Variants in VAT1 observed in about 807,000 individuals in gnomAD.
VAT1 encodes vesicle amine transport 1, also known as NADPH-dependent quinone oxidoreductase VAT1.
VAT1 carries 24 observed loss-of-function variants against 33.3 expected under a neutral mutation model. The ratio of observed to expected loss-of-function variants is 0.72; its 90% CI spans 0.52 to 1.01. The LOEUF is 1.01. VAT1 is among the 50% of genes least tolerant of loss of function. The pLI, the probability that VAT1 is intolerant of heterozygous loss-of-function variation, is 0.00. For missense variants in VAT1, 436 were observed against 533.7 expected, an observed-to-expected ratio of 0.82 and a Z score of 1.80; for synonymous variants, 212 against 225.0, an observed-to-expected ratio of 0.94 and a Z score of 0.52.
In VAT1 at chr17:43,018,701, G is replaced by C; in HGVS notation, c.486C>G (p.Thr162=). Residue 162 remains threonine, a synonymous_variant, in exon 2 of 6, where the codon ACC becomes ACG. Coordinates refer to ENST00000355653, the MANE Select transcript of VAT1 (RefSeq NM_006373.4). ...VQTFLIPEAM[T]FEEAAALLVN... ...CGAGCAAGGCAGCAGCTTCCTCAAA[G>C]GTCATGGCCTCAGGAATCAGGAAGG... The C allele has an allele frequency of 6.2e-7, 1 of 1,614,154 alleles. No individual in the cohort carries two copies.
At chr17:43,018,539 C>A in intron 2 of VAT1, 53 bp downstream of exon 2, 1 of 1,596,184 alleles carries the variant, frequency 6.3e-7, no homozygotes, top group Non-Finnish European at 8.6e-7. Flanking sequence ...GGGAAGGGGC[C>A]TGGAAGGAAA....
rs748551266 is a variant in VAT1, at chr17:43,018,613, C to T, written c.574G>A (p.Val192Ile). The T allele has an allele frequency of 2.0e-5, 33 of 1,613,710 alleles. No homozygotes were observed. The Admixed American group carries it at 3.8e-4, about 19-fold the overall frequency. ...TCACCTGCAGCCATGTGTACCAAGACGCTGTGGCCAGGCTGTAGGTTGCCG... is the reference window on the plus strand; with the variant it reads ...TCACCTGCAGCCATGTGTACCAAGATGCTGTGGCCAGGCTGTAGGTTGCCG... ...DFGNLQPGHS[V>I]LVHMAAGGVG... Residue 192 changes from valine to isoleucine, a missense_variant, in exon 2 of 6, where the codon GTC (valine) becomes ATC (isoleucine). Val to Ile is a conservative substitution (Grantham distance 29). Transcript: ENST00000355653.
intron 4 of VAT1, 37 bp downstream of exon 4, chr17:43,017,804 C>G (rs758783863): frequency 5.6e-6 from 9 of 1,604,012 alleles, no homozygotes; most frequent in Non-Finnish European, 7.7e-6. Context: ...CCCTCCTGCC[C>G]TCACATGCTC....
At chr17:43,016,604 T>C in intron 4 of VAT1, 56 bp from the exon 5 acceptor site, 1 of 1,592,252 alleles carries the variant, frequency 6.3e-7, no homozygotes, top group South Asian at 1.1e-5. Flanking sequence ...CCTGTGTGTC[T>C]GCATCTGTGC....
intron 4 of VAT1, among the ~76,000 whole-genome samples, 162 bp from the exon 5 acceptor site, chr17:43,016,710 C>G (rs1597783335): frequency 6.6e-6 from 1 of 152,106 alleles, no homozygotes; most frequent in African/African-American, 2.4e-5. Flanking sequence ...CCAAACCAAC[C>G]CTGGCTGACT....
In VAT1 at chr17:43,018,742, CA is replaced by C; in HGVS notation, c.444del (p.Val149CysfsTer8). Reference sequence around the variant, plus strand: ...ATCAGGAAGGTCTGGACCGAGGGCACAGTCACCTCTTCCTGCCACATCCCTG... The same window carrying C: ...ATCAGGAAGGTCTGGACCGAGGGCACGTCACCTCTTCCTGCCACATCCCTG... ...NRSGMWQEEV[T>X]VPSVQTFLIP... On this transcript the variant is annotated frameshift_variant, in exon 2 of 6. Transcript: ENST00000355653. LOFTEE classifies it high-confidence loss of function. 1 of 1,614,158 alleles carries C rather than the reference CA, an allele frequency of 6.2e-7. No individual in the cohort carries two copies. Among genetic ancestry groups the C allele is most frequent in the Non-Finnish European group, 8.5e-7 (1 of 1,180,022 alleles).
At position 43,020,395 on chromosome 17, in the gene VAT1, C is replaced by G. The variant is rs115889966; in HGVS notation, c.387+1541G>C. 3.0e-4 allele frequency: 184 copies of G among 618,832 alleles called. 1 individual carries two copies. In the African/African-American group the frequency reaches 3.5e-3, roughly 12 times the overall value. 38.3% of individuals were successfully genotyped at this position (618,832 alleles called of 1,614,324 possible). On this transcript the variant is annotated intron_variant, in intron 1 of 5. Transcript: ENST00000355653. Reference sequence around the variant, plus strand: ...ACCTCCCGAAAATATTCCTCTTAGACGCCTGCTCAAGAGTGGGATCATTTA... The same window carrying G: ...ACCTCCCGAAAATATTCCTCTTAGAGGCCTGCTCAAGAGTGGGATCATTTA...
At position 43,017,871 on chromosome 17, in the gene VAT1, G is replaced by A. The variant is rs755731317; in HGVS notation, c.826C>T (p.Leu276=). 5.0e-6 allele frequency: 8 copies of A among 1,614,162 alleles called. No homozygotes were observed. Among genetic ancestry groups the A allele is most frequent in the Non-Finnish European group, 6.8e-6 (8 of 1,180,034 alleles). Residue 276 remains leucine, a synonymous_variant, in exon 4 of 6, where the codon CTG becomes TTG. Transcript: ENST00000355653. ...GSDTAKGYNL[L]KPMGKVVTYG... ...GTGACGACTTTGCCCATGGGTTTCAGGAGGTTGTAGCCCTTGGCAGTATCT... is the reference window on the plus strand; with the variant it reads ...GTGACGACTTTGCCCATGGGTTTCAAGAGGTTGTAGCCCTTGGCAGTATCT...
In VAT1 at chr17:43,021,984, C is replaced by T. The variant is rs755185385; in HGVS notation, c.339G>A (p.Glu113=). 8.7e-6 allele frequency: 14 copies of T among 1,611,032 alleles called. No individual in the cohort carries two copies. The highest frequency in any genetic ancestry group is 2.0e-4 in the Middle Eastern group (1 of 5,114). ...CCACTGCGATCACAACACCCGCGCC[C>T]TCCATGCCCGGAGTGACAGGCAGAG... ...LPPLPVTPGM[E]GAGVVIAVGE... The change falls in exon 1 of 6, where the codon GAG becomes GAA. Residue 113 remains glutamate (E), a synonymous_variant. Coordinates refer to ENST00000355653, the MANE Select transcript of VAT1 (RefSeq NM_006373.4).
chr17:43,021,398 T>C (rs981150211), intron 1 of VAT1, among the ~76,000 whole-genome samples: 9 of 152,058 alleles, frequency 5.9e-5, no homozygotes, highest in African/African-American at 2.2e-4. Flanking sequence ...TCTTTGGCCT[T>C]GCTTTGGGAG....
At chr17:43,019,137 C>T in intron 1 of VAT1, 1 of 290,778 alleles carries the variant, frequency 3.4e-6, no homozygotes, top group South Asian at 4.3e-5. Flanking sequence ...AAGAAGCTTA[C>T]AGTTAGGGCA....
At chr17:43,020,501 A>G (rs956088005) in intron 1 of VAT1, among the ~76,000 whole-genome samples, 25 of 152,308 alleles carry the variant, frequency 1.6e-4, no homozygotes, top group Admixed American at 1.6e-3. Context: ...GGATGAATCC[A>G]ACAAACCTGG....
chr17:43,018,425 C>T (rs985054713), intron 2 of VAT1, among the ~76,000 whole-genome samples, 167 bp downstream of exon 2: 8 of 152,140 alleles, frequency 5.3e-5, no homozygotes, highest in Non-Finnish European at 1.2e-4. Context: ...CCAGACTAGA[C>T]CTGGTGCCTG....
rs994582685 is a variant in VAT1, at chr17:43,022,278, G to A, written c.45C>T (p.Asp15=). The A allele has an allele frequency of 3.1e-6, 5 of 1,588,774 alleles. No homozygotes were observed. Among genetic ancestry groups the A allele is most frequent in the Non-Finnish European group, 4.3e-6 (5 of 1,169,902 alleles). ...REVAEAATGE[D]ASSPPPKTEA... is the part of the protein sequence containing the mutation. Reference sequence around the variant, plus strand: ...CGGTTTTCGGAGGCGGCGAAGAGGCGTCTTCCCCGGTCGCTGCCTCGGCTA... The same window carrying A: ...CGGTTTTCGGAGGCGGCGAAGAGGCATCTTCCCCGGTCGCTGCCTCGGCTA... Residue 15 remains aspartate (D), a synonymous_variant, in exon 1 of 6, where the codon GAC becomes GAT. Transcript: ENST00000355653.
rs1359358119 is a variant in VAT1 at position 43,016,827 on chromosome 17, G to C, written c.857-279C>G. On this transcript the variant is annotated intron_variant, in intron 4 of 5. Transcript: ENST00000355653. ...GAGGTCAGGAGTTCGAGACCAGCCT[G>C]CCCAAAATGGTGAAACCTTGTCTCT... 2.0e-5 allele frequency among the ~76,000 whole-genome samples: 3 copies of C among 151,952 alleles called. No homozygotes were observed. In the East Asian group the frequency reaches 5.9e-4, roughly 30 times the overall value.
At position 43,022,011 on chromosome 17, in the gene VAT1, C is replaced by A. The variant is rs746987938; in HGVS notation, c.312G>T (p.Pro104=). The change falls in exon 1 of 6, where the codon CCG becomes CCT. Residue 104 remains proline (P), a synonymous_variant. Transcript: ENST00000355653. ...CCATGCCCGGAGTGACAGGCAGAGG[C>A]GGGAGACGGTCGTACAGCCCCTGCC... ...MARQGLYDRL[P]PLPVTPGMEG... 5 of 1,608,190 alleles carry A rather than the reference C, an allele frequency of 3.1e-6. No homozygotes were observed. Among genetic ancestry groups the A allele is most frequent in the Non-Finnish European group, 3.4e-6 (4 of 1,178,860 alleles).
Position 43,015,761 on chromosome 17 carries a change from C to A in VAT1, c.*300G>T. The A allele has an allele frequency of 2.1e-6, 1 of 472,564 alleles. No homozygotes were observed. Among genetic ancestry groups the A allele is most frequent in the Non-Finnish European group, 3.8e-6 (1 of 260,396 alleles). The allele number at this position is 472,564 out of a possible 1,614,324, so 29.3% of individuals were successfully genotyped here. A position where few individuals can be genotyped will look rare whatever the true frequency, so the allele number is the denominator to read the frequency against. On this transcript the variant is annotated 3_prime_UTR_variant, in exon 6 of 6. Transcript: ENST00000355653. ...GAACACAACAGGGGGGACTGGCTAA[C>A]CTTGGCACAAAAGCAGCACAGCAGG...
chr17:43,020,320 T>TGGAGG (rs1170335562), intron 1 of VAT1: 1 of 985,284 alleles, frequency 1.0e-6, no homozygotes, highest in Non-Finnish European at 1.2e-6. Context: ...GGAAAGTGTA[T>TGGAGG]GGAGGGGAGG....
chr17:43,021,069 G>A (rs9912587), intron 1 of VAT1, among the ~76,000 whole-genome samples: 41,612 of 151,910 alleles, frequency 0.27, 7,853 homozygotes, highest in African/African-American at 0.54. Flanking sequence ...TCAAGGCGCC[G>A]CACCTCTCCG....
Sources: gnomAD v4.1 joint callset for allele counts (sites outside exome capture counted in the v4.1 genomes callset) on GRCh38, gnomAD v4.1.1 for gene constraint, MANE v1.5 for transcripts, NCBI Gene and HGNC (gene_info 2026-07-23, HGNC 2026-07-21) for gene names.